DNPEP: variants seen among roughly 807,000 people sequenced by gnomAD.
DNPEP encodes aspartyl aminopeptidase.
A neutral mutation model predicts 59.1 loss-of-function variants in DNPEP; 46 were observed. The ratio of observed to expected loss-of-function variants is 0.78; its 90% CI spans 0.61 to 0.99. The LOEUF (loss-of-function observed/expected upper bound fraction) is 0.99. Among genes scored for constraint, DNPEP ranks in the 50% least tolerant of loss-of-function variants. The probability of loss-of-function intolerance (pLI) is 0.00; values close to 1 mark genes in which losing one functional copy is unlikely to be tolerated. For synonymous variants in DNPEP, 229 were observed against 242.2 expected (o/e 0.95, Z 0.50); for missense variants, 617 against 649.9 (o/e 0.95, Z 0.55).
In DNPEP at chr2:219,386,648, C is replaced by A. The variant is rs1410214505; in HGVS notation, c.333+17G>T. The A allele has an allele frequency of 4.4e-6, 7 of 1,601,260 alleles. No homozygotes were observed. The African/African-American group carries it at 8.0e-5, about 18-fold the overall frequency. ...TCTGACATCTCCTCCCACCCCAACA[C>A]CGTCCGAGTTCCTTACCCGGAGGCA... On this transcript the variant is annotated intron_variant, in intron 4 of 14. Coordinates refer to ENST00000273075, the MANE Select transcript of DNPEP (RefSeq NM_012100.4).
chr2:219,386,404 C>A lies in DNPEP; in HGVS notation c.341G>T (p.Arg114Leu), dbSNP rs201500221. The A allele has an allele frequency of 5.6e-6, 9 of 1,614,054 alleles. No individual in the cohort carries two copies. Among genetic ancestry groups the A allele is most frequent in the Non-Finnish European group, 7.6e-6 (9 of 1,180,014 alleles). ...HTDSPCLRVK[R>L]RSRRSQVGFQ... is the part of the protein sequence containing the mutation. The stretch of plus-strand genomic sequence containing the variant: ...GCCCACCTGGCTGCGGCGAGACCGA[C>A]GTTTCACCTGAGTGTAAAGATGGAG... The change falls in exon 5 of 15, where the codon CGT becomes CTT. Residue 114 changes from arginine (R) to leucine (L), a missense_variant. Transcript: ENST00000273075.
At chr2:219,392,005 A>C (rs931699382), upstream of DNPEP, among the ~76,000 whole-genome samples, 1 of 152,218 alleles carries the variant, frequency 6.6e-6, no homozygotes, top group Non-Finnish European at 1.5e-5. Context: ...CAATGAGCTA[A>C]ATTTATATTT....
intron 1 of DNPEP, chr2:219,387,481 C>G: frequency 7.0e-7 from 1 of 1,438,436 alleles, no homozygotes; most frequent in Non-Finnish European, 9.2e-7. Context: ...AAGCGGGCCC[C>G]ATACTCTGAG....
chr2:219,386,854 A>C, intron 3 of DNPEP, 38 bp downstream of exon 3: 1 of 1,610,526 alleles, frequency 6.2e-7, no homozygotes, highest in South Asian at 1.1e-5. Context: ...AGACCAGCCT[A>C]GGGACCTGCC....
intron 13 of DNPEP, among the ~76,000 whole-genome samples, chr2:219,378,064 C>G (rs900297865): frequency 6.6e-6 from 1 of 151,976 alleles, no homozygotes; most frequent in African/African-American, 2.4e-5. Context: ...AGAAAAAAAT[C>G]TGGAAGACTA....
At position 219,386,689 on chromosome 2, in the gene DNPEP, G is replaced by C. The variant is rs1162285067; in HGVS notation, c.309C>G (p.Ala103=). 1 of 1,612,488 alleles carries C rather than the reference G, an allele frequency of 6.2e-7. No individual in the cohort carries two copies. The change falls in exon 4 of 15, where the codon GCC becomes GCG. Residue 103 remains alanine (A), a synonymous_variant. Coordinates refer to ENST00000273075, the MANE Select transcript of DNPEP (RefSeq NM_012100.4). ...CCCGGAGGCAGGGGCTGTCCGTGTG[G>C]GCCCCGATGAGGCTGAAGCCATTGC... ...VPGNGFSLIG[A]HTDSPCLRVK...
chr2:219,397,821 C>T (rs1039904919), intron 1 of DNPEP, among the ~76,000 whole-genome samples: 3 of 152,116 alleles, frequency 2.0e-5, no homozygotes, highest in Non-Finnish European at 4.4e-5. Context: ...AACTCCTGAC[C>T]TCAAGTGATT....
Position 219,383,491 on chromosome 2 carries a change from C to CT in DNPEP, c.853-278dup, listed in dbSNP as rs796293079. On this transcript the variant is annotated intron_variant, in intron 9 of 14. Transcript: ENST00000273075. ...TTTTTTTCTCTTTTTTTCTTTCTTTCTTTTTTTTTTTGGCCAGATCAATAG... is the reference window on the plus strand; with the variant it reads ...TTTTTTTCTCTTTTTTTCTTTCTTTCTTTTTTTTTTTTGGCCAGATCAATAG... 7.4e-3 allele frequency among the ~76,000 whole-genome samples: 980 copies of CT among 132,068 alleles called. 10 individuals carry two copies. The highest frequency in any genetic ancestry group is 0.02 in the African/African-American group (698 of 35,658). The allele number at this position is 132,068 out of a possible 152,430, so 86.6% of individuals were successfully genotyped here.
chr2:219,382,563 A>C (rs908954385), intron 10 of DNPEP, among the ~76,000 whole-genome samples: 1 of 152,228 alleles, frequency 6.6e-6, no homozygotes, highest in East Asian at 1.9e-4. Context: ...GTGGAATGTA[A>C]GCAGTGATGA....
intron 13 of DNPEP, 66 bp from the exon 14 acceptor site, chr2:219,375,088 A>G: frequency 6.4e-7 from 1 of 1,553,980 alleles, no homozygotes; most frequent in African/African-American, 1.4e-5. Context: ...GGAGGACGCC[A>G]TCTTAGAATT....
upstream of DNPEP, chr2:219,388,001 C>T (rs1414726947): frequency 3.0e-5 from 36 of 1,220,258 alleles, no homozygotes; most frequent in African/African-American, 9.9e-5. Flanking sequence ...CGGTCAGCCC[C>T]GCCCCTCGGC....
chr2:219,398,822 C>A, intron 1 of DNPEP, among the ~76,000 whole-genome samples: 1 of 152,232 alleles, frequency 6.6e-6, no homozygotes, highest in East Asian at 1.9e-4. Context: ...TCTGCCCTTG[C>A]AGGCCCACCT....
At chr2:219,387,989 C>T, upstream of DNPEP, 1 of 1,278,510 alleles carries the variant, frequency 7.8e-7, no homozygotes, top group South Asian at 1.8e-5. Context: ...CCCCGCCCAC[C>T]TCGGTCAGCC....
At chr2:219,388,883 C>CCAGTTTATG, upstream of DNPEP, 1 of 985,310 alleles carries the variant, frequency 1.0e-6, no homozygotes, top group Non-Finnish European at 1.2e-6. Flanking sequence ...CTTACTGTCC[C>CCAGTTTATG]CAGTTTATGC....
chr2:219,387,372 C>G, intron 1 of DNPEP: 1 of 1,441,940 alleles, frequency 6.9e-7, no homozygotes, highest in Non-Finnish European at 9.1e-7. Flanking sequence ...TGAGCCAGGC[C>G]CGCCCCTTAA....
intron 13 of DNPEP, among the ~76,000 whole-genome samples, chr2:219,380,688 C>T (rs1953555740): frequency 1.3e-5 from 2 of 152,114 alleles, no homozygotes; most frequent in African/African-American, 4.8e-5. Flanking sequence ...ACATATACTC[C>T]ATGATGCTCA....
chr2:219,387,935 A>T (rs1432847898), upstream of DNPEP: 3 of 1,031,244 alleles, frequency 2.9e-6, no homozygotes, highest in African/African-American at 8.8e-5. Flanking sequence ...GCCCCGCCCC[A>T]TGTTTGGCCT....
chr2:219,382,897 C>T (rs1324305160), intron 10 of DNPEP, among the ~76,000 whole-genome samples: 2 of 152,158 alleles, frequency 1.3e-5, no homozygotes, highest in East Asian at 1.9e-4. Flanking sequence ...AGTCCCTGTC[C>T]TAAAGGAAGA....
At chr2:219,397,797 C>A (rs1051596757) in intron 1 of DNPEP, among the ~76,000 whole-genome samples, 3 of 152,152 alleles carry the variant, frequency 2.0e-5, no homozygotes, top group Admixed American at 6.5e-5. Context: ...GCCATGTTGG[C>A]CAGGCTGTTC....
Sources: allele counts gnomAD v4.1 joint callset (sites outside exome capture counted in the v4.1 genomes callset), GRCh38; gene constraint gnomAD v4.1.1; transcripts MANE v1.5; gene names NCBI Gene and HGNC (gene_info 2026-07-23, HGNC 2026-07-21).